The following TENM2 variants were observed in gnomAD, a reference collection of about 807,000 sequenced individuals.
TENM2 encodes teneurin transmembrane protein 2.
A neutral mutation model predicts 245.2 loss-of-function variants in TENM2; 52 were observed. The ratio of observed to expected loss-of-function variants is 0.21; its 90% CI spans 0.17 to 0.27. The LOEUF is 0.27. Among genes scored for constraint, TENM2 ranks in the 10% least tolerant of loss-of-function variants. The pLI, the probability that TENM2 is intolerant of heterozygous loss-of-function variation, is 1.00. For missense variants in TENM2, 3,046 were observed against 3,666.8 expected (o/e 0.83, Z 4.37); for synonymous variants, 1,363 against 1,438.9 (o/e 0.95, Z 1.19).
intron 2 of TENM2, among the ~76,000 whole-genome samples, chr5:167,578,245 T>C (rs1394136486): frequency 6.6e-6 from 1 of 152,180 alleles, no homozygotes; most frequent in Admixed American, 6.5e-5. Context: ...TTCCGTTAAA[T>C]TGCAGCCTTA....
chr5:167,824,247 G>A (rs150784629), intron 2 of TENM2, among the ~76,000 whole-genome samples: 4 of 152,250 alleles, frequency 2.6e-5, no homozygotes, highest in South Asian at 2.1e-4. Context: ...GACAGACCCC[G>A]GGAAGGAAAG....
chr5:168,136,744 A>G (rs149643274), intron 12 of TENM2, among the ~76,000 whole-genome samples: 117 of 152,266 alleles, frequency 7.7e-4, no homozygotes, highest in Non-Finnish European at 1.4e-3. Flanking sequence ...AACCCAGGGT[A>G]GTGGAGGATG....
At chr5:167,590,981 A>G (rs920190930) in intron 2 of TENM2, among the ~76,000 whole-genome samples, 1 of 152,196 alleles carries the variant, frequency 6.6e-6, no homozygotes, top group African/African-American at 2.4e-5. Context: ...GGCCAAGTTC[A>G]TCTTTTGAAA....
At chr5:167,107,706 G>A in the TENM2 span, among the ~76,000 whole-genome samples, 6 of 152,176 alleles carry the variant, frequency 3.9e-5, no homozygotes, top group Admixed American at 1.3e-4. Flanking sequence ...GAGACATCTG[G>A]AGGAATAGAT....
chr5:167,951,165 A>G (rs1490781017), intron 3 of TENM2, among the ~76,000 whole-genome samples: 1 of 152,214 alleles, frequency 6.6e-6, no homozygotes, highest in African/African-American at 2.4e-5. Flanking sequence ...AATGTAGATT[A>G]CACCTTTTGG....
chr5:167,476,232 C>G (rs529358697), intron 2 of TENM2, among the ~76,000 whole-genome samples: 21 of 152,266 alleles, frequency 1.4e-4, no homozygotes, highest in African/African-American at 4.8e-4. Context: ...TTCTTAAAGA[C>G]TATTTACAGT....
At chr5:168,126,450 A>G (rs866205823) in intron 11 of TENM2, among the ~76,000 whole-genome samples, 4 of 152,244 alleles carry the variant, frequency 2.6e-5, no homozygotes, top group Admixed American at 6.5e-5. Context: ...AAAATCTCTG[A>G]GTCCCATTCC....
At chr5:168,261,968 C>T in intron 28 of TENM2, 81 bp from the exon 31 acceptor site, 1 of 1,416,940 alleles carries the variant, frequency 7.1e-7, no homozygotes, top group Admixed American at 2.0e-5. Flanking sequence ...AGGAGAGTTC[C>T]AAGCCTTTCT....
chr5:167,986,817 C>T (rs775456506), intron 4 of TENM2, among the ~76,000 whole-genome samples: 1 of 152,134 alleles, frequency 6.6e-6, no homozygotes, highest in Non-Finnish European at 1.5e-5. Context: ...TCTTAACAGC[C>T]GGTTCAGGGA....
intron 2 of TENM2, among the ~76,000 whole-genome samples, chr5:167,430,813 T>C (rs1764173434): frequency 6.6e-6 from 1 of 152,236 alleles, no homozygotes; most frequent in South Asian, 2.1e-4. Context: ...TCCAAAATCA[T>C]TCATTCTGCC....
the TENM2 span, among the ~76,000 whole-genome samples, chr5:167,075,246 G>T: frequency 6.6e-6 from 1 of 152,156 alleles, no homozygotes; most frequent in Non-Finnish European, 1.5e-5. Flanking sequence ...GTAGAATGGA[G>T]CCTGCCATGG....
In TENM2 at chr5:168,244,767, T is replaced by C; in HGVS notation, c.5817+51T>C. ...CAAGGGCTTTCTGTTATTTCTGTTA[T>C]TCCGGCTTCTTTTTTTTTTTGAGAC... On this transcript the variant is annotated intron_variant, in intron 26 of 28. Transcript: ENST00000518659. This position sits in a 1 kb window ranked among gnomAD's most constrained non-coding sequence, Gnocchi z 4.9. 4 of 1,360,052 alleles carry C rather than the reference T, an allele frequency of 2.9e-6. No homozygotes were observed. Among genetic ancestry groups the C allele is most frequent in the Non-Finnish European group, 3.8e-6 (4 of 1,044,426 alleles). The allele number at this position is 1,360,052 out of a possible 1,614,324, so 84.2% of individuals were successfully genotyped here. A position where few individuals can be genotyped will look rare whatever the true frequency, so the allele number is the denominator to read the frequency against.
At chr5:168,064,564 G>C (rs1790331600) in intron 7 of TENM2, among the ~76,000 whole-genome samples, 1 of 152,206 alleles carries the variant, frequency 6.6e-6, no homozygotes, top group Admixed American at 6.5e-5. Context: ...TGACATTCAG[G>C]ACTCAAATCC....
intron 1 of TENM2, among the ~76,000 whole-genome samples, chr5:167,332,650 A>G (rs771379184): frequency 1.3e-5 from 2 of 152,204 alleles, no homozygotes; most frequent in African/African-American, 2.4e-5. Context: ...CACTTCAGGA[A>G]TATCCTGTGC....
At chr5:167,923,324 G>GAA (rs5873074) in intron 3 of TENM2, among the ~76,000 whole-genome samples, 1 of 136,718 alleles carries the variant, frequency 7.3e-6, no homozygotes. Flanking sequence ...CTCCAAAAAA[G>GAA]AAAAAAAAAA....
At chr5:168,123,127 T>C (rs1009452874) in intron 10 of TENM2, among the ~76,000 whole-genome samples, 18 of 117,902 alleles carry the variant, frequency 1.5e-4, no homozygotes, top group South Asian at 1.2e-3. Context: ...CAAGACCCCA[T>C]TTCTAGAGAA....
At chr5:167,542,180 C>G (rs575642026) in intron 2 of TENM2, among the ~76,000 whole-genome samples, 1 of 152,218 alleles carries the variant, frequency 6.6e-6, no homozygotes, top group African/African-American at 2.4e-5. Flanking sequence ...GAGGTTTTCC[C>G]TCCACCTTCC....
chr5:167,530,363 A>G (rs1490752818), intron 2 of TENM2, among the ~76,000 whole-genome samples: 1 of 152,238 alleles, frequency 6.6e-6, no homozygotes, highest in Non-Finnish European at 1.5e-5. Context: ...ATCTGTAAGT[A>G]CGAGTATGTT....
intron 6 of TENM2, among the ~76,000 whole-genome samples, chr5:168,047,874 C>T (rs1788747377): frequency 6.6e-6 from 1 of 152,068 alleles, no homozygotes; most frequent in Non-Finnish European, 1.5e-5. Flanking sequence ...GCCACAGCAG[C>T]AGCTGGAGTG....
Sources: allele counts gnomAD v4.1 joint callset (sites outside exome capture counted in the v4.1 genomes callset), GRCh38; gene constraint gnomAD v4.1.1; non-coding constraint Gnocchi (gnomAD v3.1); transcripts MANE v1.5; gene names NCBI Gene and HGNC (gene_info 2026-07-23, HGNC 2026-07-21).